The following LRRTM3 variants were observed in gnomAD, a reference collection of about 807,000 sequenced individuals.
LRRTM3 encodes the protein leucine-rich repeat transmembrane neuronal protein 3.
LRRTM3 carries 24 observed loss-of-function variants against 44.7 expected under a neutral mutation model. The ratio of observed to expected loss-of-function variants is 0.54; its 90% CI spans 0.39 to 0.76. LRRTM3 has a LOEUF of 0.76. Among genes scored for constraint, LRRTM3 ranks in the 30% least tolerant of loss-of-function variants. The pLI, the probability that LRRTM3 is intolerant of heterozygous loss-of-function variation, is 0.00. For missense variants in LRRTM3, 587 were observed against 702.2 expected, an observed-to-expected ratio of 0.84 and a Z score of 1.85; for synonymous variants, 277 against 278.7, an observed-to-expected ratio of 0.99 and a Z score of 0.06.
intron 2 of LRRTM3, among the ~76,000 whole-genome samples, chr10:67,093,903 C>T (rs998777640): frequency 1.3e-5 from 2 of 151,858 alleles, no homozygotes; most frequent in South Asian, 2.1e-4. Context: ...TTGAAAGGGA[C>T]GGATAATCTC....
intron 2 of LRRTM3, among the ~76,000 whole-genome samples, chr10:67,070,029 C>T (rs1221539391): frequency 6.6e-6 from 1 of 152,206 alleles, no homozygotes; most frequent in Non-Finnish European, 1.5e-5. Flanking sequence ...ACCATGAGAA[C>T]TTCCATTGCT....
intron 2 of LRRTM3, among the ~76,000 whole-genome samples, chr10:67,030,169 G>A (rs1271739046): frequency 6.6e-6 from 1 of 152,192 alleles, no homozygotes; most frequent in Non-Finnish European, 1.5e-5. Flanking sequence ...CCAGTTGGAT[G>A]GTTTACAAGG....
chr10:66,991,798 A>C (rs954785568), intron 2 of LRRTM3, among the ~76,000 whole-genome samples: 2 of 152,336 alleles, frequency 1.3e-5, no homozygotes, highest in South Asian at 4.1e-4. Context: ...GATATTTTCT[A>C]GTTTTCTAGT....
intron 2 of LRRTM3, among the ~76,000 whole-genome samples, chr10:67,049,214 G>C (rs1174518919): frequency 3.3e-5 from 5 of 152,064 alleles, no homozygotes; most frequent in Admixed American, 3.3e-4. Flanking sequence ...GTAGAAACAG[G>C]AGGCAGGGTC....
At position 67,098,390 on chromosome 10, in the gene LRRTM3, T is replaced by C. The variant is rs1390190146; in HGVS notation, c.*594T>C. ...ATCTACTTGTTCCAGAAATAATACA[T>C]TAACCAAAAAGGATTTAATTGTTCA... On this transcript the variant is annotated 3_prime_UTR_variant, in exon 3 of 3. Transcript: ENST00000361320. 3 of 152,298 alleles carry C rather than the reference T, an allele frequency of 2.0e-5. No individual in the cohort carries two copies. Among genetic ancestry groups the C allele is most frequent in the African/African-American group, 7.2e-5 (3 of 41,396 alleles). 9.4% of individuals were successfully genotyped at this position (152,298 alleles called of 1,614,324 possible). A position where few individuals can be genotyped will look rare whatever the true frequency, so the allele number is the denominator to read the frequency against.
intron 2 of LRRTM3, among the ~76,000 whole-genome samples, chr10:67,005,515 G>C (rs1851915700): frequency 6.6e-6 from 1 of 151,946 alleles, no homozygotes. Context: ...TTGTAGACTA[G>C]TGACTTCCCA....
chr10:66,927,787 A>G lies in LRRTM3; in HGVS notation c.871A>G (p.Thr291Ala), dbSNP rs1160080473. 1 of 1,614,086 alleles carries G rather than the reference A, an allele frequency of 6.2e-7. No homozygotes were observed. Among genetic ancestry groups the G allele is most frequent in the Non-Finnish European group, 8.5e-7 (1 of 1,179,910 alleles). Residue 291 changes from threonine to alanine, a missense_variant, in exon 2 of 3, where the codon ACA becomes GCA. Transcript: ENST00000361320. This position sits in a 1 kb window ranked among gnomAD's most constrained non-coding sequence, Gnocchi z 4.7. ...CCTCAACCTGGATTCCAACAAGCTC[A>G]CATTTATTGGTCAAGAGATTTTGGA... ...QRLNLDSNKLTFIGQEILDSW... is the reference protein window; with the variant it reads ...QRLNLDSNKLAFIGQEILDSW...
intron 2 of LRRTM3, among the ~76,000 whole-genome samples, chr10:67,089,471 G>T (rs1857498723): frequency 6.6e-6 from 1 of 151,890 alleles, no homozygotes; most frequent in Non-Finnish European, 1.5e-5. Flanking sequence ...ATGCTAAAGA[G>T]TTCTAGGAGA....
At chr10:66,932,024 A>AG (rs1003193265) in intron 2 of LRRTM3, among the ~76,000 whole-genome samples, 4 of 152,152 alleles carry the variant, frequency 2.6e-5, no homozygotes, top group Admixed American at 6.5e-5. Context: ...GTGTCAAAGG[A>AG]GGGGGGCCTC....
At chr10:67,027,954 T>A (rs1853492587) in intron 2 of LRRTM3, among the ~76,000 whole-genome samples, 1 of 152,192 alleles carries the variant, frequency 6.6e-6, no homozygotes, top group African/African-American at 2.4e-5. Context: ...AAAATCTCCA[T>A]CTGTTTTCTC....
At chr10:67,043,135 CTTT>C (rs34946963) in intron 2 of LRRTM3, among the ~76,000 whole-genome samples, 14 of 103,760 alleles carry the variant, frequency 1.3e-4, no homozygotes, top group East Asian at 3.4e-4. Flanking sequence ...CACTTTCTTT[CTTT>C]TTTTTTTTTT....
chr10:66,982,811 G>A (rs1179516017), intron 2 of LRRTM3, among the ~76,000 whole-genome samples: 1 of 152,124 alleles, frequency 6.6e-6, no homozygotes, highest in Non-Finnish European at 1.5e-5. Context: ...TGCCTTTCCA[G>A]TAAGATATTA....
chr10:67,053,285 A>G (rs947370238), intron 2 of LRRTM3, among the ~76,000 whole-genome samples: 21 of 152,188 alleles, frequency 1.4e-4, no homozygotes, highest in African/African-American at 4.6e-4. Context: ...TTAGAACACT[A>G]TACAAATACA....
chr10:67,015,705 ATT>A (rs57989240), intron 2 of LRRTM3, among the ~76,000 whole-genome samples: 11 of 151,934 alleles, frequency 7.2e-5, no homozygotes, highest in Non-Finnish European at 1.5e-4. Flanking sequence ...CTTTGTAACA[ATT>A]TTCTTCTTTT....
intron 2 of LRRTM3, among the ~76,000 whole-genome samples, chr10:66,944,297 T>C (rs1452497172): frequency 6.6e-6 from 1 of 152,182 alleles, no homozygotes; most frequent in Non-Finnish European, 1.5e-5. Context: ...GAGACAACTT[T>C]CTCTGTTCAT....
rs1209383248 is a variant in LRRTM3, at chr10:67,037,620, G to A, written c.1537-59967G>A. 1.1e-4 allele frequency among the ~76,000 whole-genome samples: 17 copies of A among 152,248 alleles called. No individual in the cohort carries two copies. The East Asian group carries it at 3.3e-3, about 29-fold the overall frequency. Reference sequence around the variant, plus strand: ...GAATTAGAAAGCTGTGAAAAATGATGAAAACCTGAACTAAGACACTAACAG... The same window carrying A: ...GAATTAGAAAGCTGTGAAAAATGATAAAAACCTGAACTAAGACACTAACAG... On this transcript the variant is annotated intron_variant, in intron 2 of 2. Transcript: ENST00000361320.
At chr10:67,062,644 C>T (rs1429052780) in intron 2 of LRRTM3, among the ~76,000 whole-genome samples, 2 of 152,096 alleles carry the variant, frequency 1.3e-5, no homozygotes, top group Non-Finnish European at 2.9e-5. Flanking sequence ...TTCTTCTTTG[C>T]AAATGTTCTG....
At chr10:66,958,054 C>A (rs1273588996) in intron 2 of LRRTM3, among the ~76,000 whole-genome samples, 1 of 152,156 alleles carries the variant, frequency 6.6e-6, no homozygotes, top group East Asian at 1.9e-4. Context: ...ATTGAACACA[C>A]AAACTATGCA....
intron 2 of LRRTM3, among the ~76,000 whole-genome samples, chr10:66,963,685 G>C (rs1849246183): frequency 6.6e-6 from 1 of 151,926 alleles, no homozygotes. Context: ...TCGAAAACAG[G>C]TTCCAAAATA....
Sources: gnomAD v4.1 joint callset for allele counts (sites outside exome capture counted in the v4.1 genomes callset) on GRCh38, gnomAD v4.1.1 for gene constraint, Gnocchi (gnomAD v3.1) non-coding constraint, MANE v1.5 for transcripts, NCBI Gene and HGNC (gene_info 2026-07-23, HGNC 2026-07-21) for gene names.